The following HSPA12B variants were observed in gnomAD, a reference collection of about 807,000 sequenced individuals.
HSPA12B encodes heat shock protein family A (Hsp70) member 12B, also known as heat shock 70 kDa protein 12B.
HSPA12B carries 54 observed loss-of-function variants against 69.3 expected under a neutral mutation model. The observed-to-expected ratio is 0.78, with a 90% CI of 0.63 to 0.98. HSPA12B has a LOEUF of 0.98. HSPA12B is among the 50% of genes least tolerant of loss of function. The pLI is 0.00. For synonymous variants in HSPA12B, 441 were observed against 436.5 expected (o/e 1.01, Z -0.13); for missense variants, 929 against 999.8 (o/e 0.93, Z 0.96).
rs1165801888 is a variant in HSPA12B, at chr20:3,748,281, C to T, written c.740C>T (p.Ser247Leu). Residue 247 changes from serine (S) to leucine (L), a missense_variant, in exon 8 of 13, where the codon TCG (serine) becomes TTG (leucine). Coordinates refer to ENST00000254963, the MANE Select transcript of HSPA12B (RefSeq NM_052970.5). ...LLIALEPEAA[S>L]VYCRKLRLHQ... ...ATCGCCCTGGAGCCCGAGGCCGCCT[C>T]GGTATACTGCCGCAAGCTGCGCCTG... is the stretch of plus-strand genomic sequence containing the variant. 10 of 1,609,590 alleles carry T rather than the reference C, an allele frequency of 6.2e-6. No individual in the cohort carries two copies. In the South Asian group the frequency reaches 6.6e-5, roughly 11 times the overall value.
chr20:3,739,474 C>T (rs1390902880), intron 2 of HSPA12B, among the ~76,000 whole-genome samples: 1 of 152,214 alleles, frequency 6.6e-6, no homozygotes, highest in South Asian at 2.1e-4. Context: ...GGACACTCCT[C>T]AGGAAGTCCA....
At chr20:3,738,841 AGTGTGT>A (rs3840072) in intron 2 of HSPA12B, 124 bp downstream of exon 2, 6 of 737,936 alleles carry the variant, frequency 8.1e-6, no homozygotes, top group South Asian at 3.3e-5. Context: ...TCTGTGAGTG[AGTGTGT>A]GTGTGTGTGT....
chr20:3,749,846 A>G lies in HSPA12B; in HGVS notation c.1034A>G (p.Lys345Arg), dbSNP rs2146588771. The G allele has an allele frequency of 6.2e-7, 1 of 1,605,736 alleles. No homozygotes were observed. The highest frequency in any genetic ancestry group is 2.2e-5 in the East Asian group (1 of 44,566). ...CATGGCACCCTCAAGGAGCTCTACA[A>G]GGCATCTGGTGAGTAGCCAGGCGGC... is the stretch of plus-strand genomic sequence containing the variant. ...QPHGTLKELY[K>R]ASGGPYGAVG... The change falls in exon 10 of 13, where the codon AAG (lysine) becomes AGG (arginine). Residue 345 changes from lysine (K) to arginine (R), a missense_variant. Lys to Arg is a conservative substitution (Grantham distance 26, BLOSUM62 2). Transcript: ENST00000254963. This position sits in a 1 kb window ranked among gnomAD's most constrained non-coding sequence, Gnocchi z 5.5.
At position 3,749,269 on chromosome 20, in the gene HSPA12B, G is replaced by A. The variant is rs774013869; in HGVS notation, c.888G>A (p.Thr296=). Residue 296 remains threonine, a synonymous_variant, in exon 9 of 13, where the codon ACG becomes ACA. Coordinates refer to ENST00000254963, the MANE Select transcript of HSPA12B (RefSeq NM_052970.5). This position sits in a 1 kb window ranked among gnomAD's most constrained non-coding sequence, Gnocchi z 5.5. ...EQLRRSRHSR[T]FLVESGVGEL... is the part of the protein sequence containing the mutation. ...TGCGAAGGTCCCGCCACAGCCGCAC[G>A]TTCCTGGTGGAGTCAGGCGTAGGAG... The A allele has an allele frequency of 2.5e-6, 4 of 1,613,866 alleles. No individual in the cohort carries two copies. Among genetic ancestry groups the A allele is most frequent in the Admixed American group, 3.3e-5 (2 of 59,998 alleles).
intron 1 of HSPA12B, among the ~76,000 whole-genome samples, chr20:3,733,655 C>G (rs1292761892): frequency 6.6e-6 from 1 of 152,234 alleles, no homozygotes; most frequent in Non-Finnish European, 1.5e-5. Flanking sequence ...TTCTTAAGGG[C>G]TCCTCTCCAG....
Position 3,749,454 on chromosome 20 carries a change from TCACCCG to T in HSPA12B, c.937+142_937+147del. On this transcript the variant is annotated intron_variant, in intron 9 of 12. Transcript: ENST00000254963. The surrounding 1 kb of genome is among the most constrained non-coding windows in gnomAD (Gnocchi z 5.5). ...ACCCAACCTGGCCGTCCCCTCACAG[TCACCCG>T]CACCCCCACCCCACTCACAGCGGCG... The T allele has an allele frequency of 1.2e-6, 1 of 808,630 alleles. No individual in the cohort carries two copies. The allele number at this position is 808,630 out of a possible 1,614,324, so 50.1% of individuals were successfully genotyped here. A position where few individuals can be genotyped will look rare whatever the true frequency, so the allele number is the denominator to read the frequency against.
chr20:3,748,224 T>C lies in HSPA12B; in HGVS notation c.683T>C (p.Leu228Pro). The change falls in exon 8 of 13, where the codon CTA (leucine) becomes CCA (proline). Residue 228 changes from leucine to proline, a missense_variant. Around this residue, in one of 3 missense-constraint regions of HSPA12B, gnomAD observed 477 missense variants for 535.2 expected, o/e 0.89. Transcript: ENST00000254963. ...FMREAAYLAG[L>P]VSRENAEQLL... ...CCCACCACCCATCCCCAGGCTGGAC[T>C]AGTGTCCCGAGAGAATGCAGAGCAG... 1 of 1,569,186 alleles carries C rather than the reference T, an allele frequency of 6.4e-7. No homozygotes were observed. Among genetic ancestry groups the C allele is most frequent in the South Asian group, 1.2e-5 (1 of 85,600 alleles).
rs1355038181 is a variant in HSPA12B, at chr20:3,752,820, CAA to C, written c.*657_*658del. 6.5e-6 allele frequency: 1 copy of C among 153,688 alleles called. No homozygotes were observed. The highest frequency in any genetic ancestry group is 1.5e-5 in the Non-Finnish European group (1 of 68,056). The allele number at this position is 153,688 out of a possible 1,614,324, so 9.5% of individuals were successfully genotyped here. On this transcript the variant is annotated 3_prime_UTR_variant, in exon 13 of 13. Coordinates refer to ENST00000254963, the MANE Select transcript of HSPA12B (RefSeq NM_052970.5). ...TATGAGGGTAGCATTTCTTTCGAGA[CAA>C]AACACCCGTCTGGGAAGGCCCCAAG...
In HSPA12B at chr20:3,749,419, C is replaced by A; in HGVS notation, c.937+101C>A. Reference sequence around the variant, plus strand: ...TTGCAAAGCCCGTCTCTTCCTCCTCCATTCGCTGTACCCAACCTGGCCGTC... The same window carrying A: ...TTGCAAAGCCCGTCTCTTCCTCCTCAATTCGCTGTACCCAACCTGGCCGTC... On this transcript the variant is annotated intron_variant, in intron 9 of 12. Transcript: ENST00000254963. The surrounding 1 kb of genome is among the most constrained non-coding windows in gnomAD (Gnocchi z 5.5). 1 of 1,114,818 alleles carries A rather than the reference C, an allele frequency of 9.0e-7. No individual in the cohort carries two copies. Among genetic ancestry groups the A allele is most frequent in the Non-Finnish European group, 1.3e-6 (1 of 764,516 alleles). 69.1% of individuals were successfully genotyped at this position (1,114,818 alleles called of 1,614,324 possible). A position where few individuals can be genotyped will look rare whatever the true frequency, so the allele number is the denominator to read the frequency against.
intron 4 of HSPA12B, among the ~76,000 whole-genome samples, chr20:3,743,123 T>C (rs745759428): frequency 1.3e-5 from 2 of 149,982 alleles, no homozygotes; most frequent in Non-Finnish European, 3.0e-5. Context: ...TGACTTCGGG[T>C]GATCCGCCAG....
chr20:3,738,773 T>C, intron 2 of HSPA12B, 56 bp downstream of exon 2: 1 of 1,587,246 alleles, frequency 6.3e-7, no homozygotes, highest in East Asian at 2.2e-5. Flanking sequence ...GAGCAGGCAC[T>C]GAGACCCACC....
Position 3,748,396 on chromosome 20 carries a change from G to T in HSPA12B, c.850+5G>T. On this transcript the variant is annotated splice_donor_5th_base_variant and intron_variant, in intron 8 of 12. Coordinates refer to ENST00000254963, the MANE Select transcript of HSPA12B (RefSeq NM_052970.5). ...TCGACTCCAGCTTCCGTCAGGGTGA[G>T]CTGCCCCCGGGGACACCACCCACCC... The T allele has an allele frequency of 1.3e-6, 2 of 1,581,500 alleles. No individual in the cohort carries two copies. The highest frequency in any genetic ancestry group is 1.1e-5 in the South Asian group (1 of 87,672).
rs1372215539 is a variant in HSPA12B at position 3,751,706 on chromosome 20, T to TGCGGGTCCGCCGCTCGCC, written c.1604_1621dup (p.Arg535_Pro540dup). 6.7e-7 allele frequency: 1 copy of TGCGGGTCCGCCGCTCGCC among 1,484,492 alleles called. No homozygotes were observed. The highest frequency in any genetic ancestry group is 1.4e-5 in the African/African-American group (1 of 69,028). The allele number at this position is 1,484,492 out of a possible 1,614,324, so 92.0% of individuals were successfully genotyped here. A position where few individuals can be genotyped will look rare whatever the true frequency, so the allele number is the denominator to read the frequency against. On this transcript the variant is annotated inframe_insertion, in exon 13 of 13. Coordinates refer to ENST00000254963, the MANE Select transcript of HSPA12B (RefSeq NM_052970.5). ...CTGTTCGGCCAGGCGCCGGGCGTGG[T>TGCGGGTCCGCCGCTCGCC]GCGGGTCCGCCGCTCGCCGCTCACC...
At chr20:3,751,028 C>T (rs1351518183) in intron 12 of HSPA12B, 121 bp downstream of exon 12, 1 of 923,886 alleles carries the variant, frequency 1.1e-6, no homozygotes, top group Non-Finnish European at 1.7e-6. Flanking sequence ...GACCTAGAAT[C>T]ATCTAGAACA....
chr20:3,751,049 G>A (rs1177404450), intron 12 of HSPA12B, 142 bp downstream of exon 12: 18 of 898,504 alleles, frequency 2.0e-5, no homozygotes, highest in Non-Finnish European at 3.1e-5. Context: ...CCTGCGGGAT[G>A]AAGTGCAGTG....
chr20:3,751,610 C>G lies in HSPA12B; in HGVS notation c.1505C>G (p.Ala502Gly), dbSNP rs769416606. 2.0e-6 allele frequency: 3 copies of G among 1,528,408 alleles called. No individual in the cohort carries two copies. Among genetic ancestry groups the G allele is most frequent in the Non-Finnish European group, 2.6e-6 (3 of 1,140,770 alleles). The allele number at this position is 1,528,408 out of a possible 1,614,324, so 94.7% of individuals were successfully genotyped here. Residue 502 changes from alanine to glycine, a missense_variant, in exon 13 of 13, where the codon GCG becomes GGG. Physicochemically the swap from Ala to Gly is moderately conservative, Grantham distance 60 (BLOSUM62 0). Transcript: ENST00000254963. ...GTGCTGCAGCACGCGGTGCAGGCGG[C>G]GCTGGGCGCCCGCGGTCTGCGTGTC... ...SAVLQHAVQAALGARGLRVVV... is the reference protein window; with the variant it reads ...SAVLQHAVQAGLGARGLRVVV...
Position 3,745,092 on chromosome 20 carries a change from A to G in HSPA12B, c.453+4A>G. ...GATGAAGATCCACAGCGCCACGGTG[A>G]GTCACAGGGCTCCAGACAGGGAGGC... On this transcript the variant is annotated splice_donor_region_variant and intron_variant, in intron 5 of 12. Transcript: ENST00000254963. This position sits in a 1 kb window ranked among gnomAD's most constrained non-coding sequence, Gnocchi z 5.6. The G allele has an allele frequency of 6.3e-7, 1 of 1,589,218 alleles. No homozygotes were observed. Among genetic ancestry groups the G allele is most frequent in the Admixed American group, 1.7e-5 (1 of 59,220 alleles).
At position 3,736,356 on chromosome 20, in the gene HSPA12B, G is replaced by A. The variant is rs376696156; in HGVS notation, c.-17-2302G>A. 7.4e-4 allele frequency among the ~76,000 whole-genome samples: 112 copies of A among 152,356 alleles called. 1 individual carries two copies. The South Asian group carries it at 0.022, about 30-fold the overall frequency. ...TCCAACTCCAATGGTACAGAGGACAGCAAGAGTGTCTGGAAATCTCCATGG... is the reference window on the plus strand; with the variant it reads ...TCCAACTCCAATGGTACAGAGGACAACAAGAGTGTCTGGAAATCTCCATGG... On this transcript the variant is annotated intron_variant, in intron 1 of 12. Transcript: ENST00000254963.
Position 3,744,289 on chromosome 20 carries a change from G to A in HSPA12B, c.267-613G>A, listed in dbSNP as rs1447910898. 2.0e-5 allele frequency among the ~76,000 whole-genome samples: 3 copies of A among 152,170 alleles called. No individual in the cohort carries two copies. Among genetic ancestry groups the A allele is most frequent in the African/African-American group, 7.2e-5 (3 of 41,432 alleles). Reference sequence around the variant, plus strand: ...TCACAGGAAACCACAAAGGCTCTGAGCACTTACAGCCCTCTAGGAGCTGCA... The same window carrying A: ...TCACAGGAAACCACAAAGGCTCTGAACACTTACAGCCCTCTAGGAGCTGCA... On this transcript the variant is annotated intron_variant, in intron 4 of 12. Transcript: ENST00000254963. This position sits in a 1 kb window ranked among gnomAD's most constrained non-coding sequence, Gnocchi z 4.9.
Sources: allele counts gnomAD v4.1 joint callset (sites outside exome capture counted in the v4.1 genomes callset), GRCh38; gene constraint gnomAD v4.1.1; regional missense constraint gnomAD v4.1.1; non-coding constraint Gnocchi (gnomAD v3.1); transcripts MANE v1.5; gene names NCBI Gene and HGNC (gene_info 2026-07-23, HGNC 2026-07-21).